Variants in FAM13A observed in about 807,000 individuals in gnomAD.
The protein encoded by FAM13A is family with sequence similarity 13 member A.
Under a neutral mutation model 129.6 loss-of-function variants are expected in FAM13A, and 76 were observed. The ratio of observed to expected loss-of-function variants is 0.59; its 90% confidence interval spans 0.49 to 0.71. The LOEUF (loss-of-function observed/expected upper bound fraction) is 0.71. Among genes scored for constraint, FAM13A ranks in the 30% least tolerant of loss-of-function variants. FAM13A has a pLI of 0.00. For missense variants in FAM13A, 1,108 were observed against 1,249.3 expected, an observed-to-expected ratio of 0.89 and a Z score of 1.70; for synonymous variants, 443 against 449.9, an observed-to-expected ratio of 0.98 and a Z score of 0.20.
chr4:88,904,871 C>T (rs926063727), intron 6 of FAM13A, among the ~76,000 whole-genome samples: 3 of 152,180 alleles, frequency 2.0e-5, no homozygotes, highest in Non-Finnish European at 2.9e-5. Context: ...AAATTTTACA[C>T]ATTAACGCCT....
intron 13 of FAM13A, among the ~76,000 whole-genome samples, chr4:88,765,961 A>G (rs536441125): frequency 7.9e-5 from 12 of 152,328 alleles, no homozygotes; most frequent in African/African-American, 2.9e-4. Context: ...TTGTTTCCCA[A>G]TGATTCATCC....
At chr4:88,800,547 T>C (rs1727220937) in intron 8 of FAM13A, among the ~76,000 whole-genome samples, 1 of 151,600 alleles carries the variant, frequency 6.6e-6, no homozygotes, top group South Asian at 2.1e-4. Context: ...TAGCCAGGTG[T>C]AGTGGCGGGT....
intron 3 of FAM13A, among the ~76,000 whole-genome samples, chr4:89,013,997 C>A (rs538408988): frequency 4.2e-4 from 64 of 152,228 alleles, no homozygotes; most frequent in Admixed American, 8.5e-4. Context: ...GGTAAGTACA[C>A]CCTGTGGTGC....
intron 6 of FAM13A, among the ~76,000 whole-genome samples, chr4:88,886,216 C>T (rs964235556): frequency 5.3e-5 from 8 of 152,204 alleles, no homozygotes; most frequent in African/African-American, 1.4e-4. Context: ...TACTTCCACA[C>T]GCATGTTTAT....
At chr4:88,738,726 G>C (rs1739530366) in intron 20 of FAM13A, among the ~76,000 whole-genome samples, 1 of 152,172 alleles carries the variant, frequency 6.6e-6, no homozygotes, top group Non-Finnish European at 1.5e-5. Context: ...CCCTACCCAC[G>C]TGGTGCTCCA....
In FAM13A at chr4:88,781,104, A is replaced by G; in HGVS notation, c.1458+61T>C. The G allele has an allele frequency of 3.4e-6, 4 of 1,191,464 alleles. No homozygotes were observed. The South Asian group carries it at 7.4e-5, about 22-fold the overall frequency. The allele number at this position is 1,191,464 out of a possible 1,614,324, so 73.8% of individuals were successfully genotyped here. On this transcript the variant is annotated intron_variant, in intron 11 of 23. Coordinates refer to ENST00000264344, the MANE Select transcript of FAM13A (RefSeq NM_014883.4). ...GAAATTACTTTTAATTTTTTTACAA[A>G]GCAAAGAAAAGAGATGTAATATTTC...
rs146948782 is a variant in FAM13A, at chr4:88,996,496, C to T, written c.428-5346G>A. On this transcript the variant is annotated intron_variant, in intron 3 of 23. Coordinates refer to ENST00000264344, the MANE Select transcript of FAM13A (RefSeq NM_014883.4). ...AGTTGTTTTATTCATTTAATCATTC[C>T]GAAAACATTTATTGAGTGACTACTC... Among the ~76,000 whole-genome samples the T allele has an allele frequency of 3.0e-3, 452 of 152,244 alleles. 5 individuals carry two copies. The highest frequency in any genetic ancestry group is 4.2e-3 in the Non-Finnish European group (285 of 68,020).
At chr4:88,914,409 A>C (rs923975777) in intron 5 of FAM13A, among the ~76,000 whole-genome samples, 1 of 152,134 alleles carries the variant, frequency 6.6e-6, no homozygotes, top group Non-Finnish European at 1.5e-5. Context: ...CTCTAATCTC[A>C]TAGCATTTCC....
At chr4:88,922,987 A>T (rs1303580237) in intron 5 of FAM13A, among the ~76,000 whole-genome samples, 1 of 152,240 alleles carries the variant, frequency 6.6e-6, no homozygotes, top group East Asian at 1.9e-4. Flanking sequence ...ACACCATCCC[A>T]AGACTAAACC....
At chr4:88,966,614 G>C (rs1366761924) in intron 4 of FAM13A, among the ~76,000 whole-genome samples, 1 of 151,986 alleles carries the variant, frequency 6.6e-6, no homozygotes, top group Non-Finnish European at 1.5e-5. Context: ...TAGGATGTAG[G>C]TTCAACTAAA....
intron 4 of FAM13A, among the ~76,000 whole-genome samples, chr4:88,940,025 T>C (rs1288007662): frequency 2.0e-5 from 3 of 152,228 alleles, no homozygotes; most frequent in African/African-American, 7.2e-5. Context: ...TGTGCCCAGA[T>C]TCCTGACCCC....
intron 6 of FAM13A, among the ~76,000 whole-genome samples, chr4:88,901,611 C>T (rs181223298): frequency 6.8e-4 from 103 of 152,100 alleles, no homozygotes; most frequent in African/African-American, 2.3e-3. Flanking sequence ...AAACAATGTA[C>T]CAGAATCTCT....
At chr4:88,911,003 C>A (rs758346076) in intron 5 of FAM13A, among the ~76,000 whole-genome samples, 7 of 152,162 alleles carry the variant, frequency 4.6e-5, no homozygotes, top group Non-Finnish European at 2.9e-5. Context: ...CTTGGTCAGT[C>A]TTCTTCATAA....
intron 4 of FAM13A, among the ~76,000 whole-genome samples, chr4:88,980,596 T>C (rs138258886): frequency 3.0e-4 from 5 of 16,446 alleles, no homozygotes; most frequent in Admixed American, 2.7e-3. Flanking sequence ...CAAATATAAT[T>C]ATGCTAAAAA....
intron 13 of FAM13A, among the ~76,000 whole-genome samples, chr4:88,764,037 A>C (rs1273967678): frequency 6.6e-6 from 1 of 152,236 alleles, no homozygotes; most frequent in Non-Finnish European, 1.5e-5. Flanking sequence ...AATACTTTTC[A>C]GAAATTCACT....
At chr4:88,920,366 G>C (rs188659767) in intron 5 of FAM13A, among the ~76,000 whole-genome samples, 3 of 152,128 alleles carry the variant, frequency 2.0e-5, no homozygotes, top group Non-Finnish European at 4.4e-5. Flanking sequence ...TCAGAGGAAC[G>C]ATCAGACAGC....
intron 6 of FAM13A, among the ~76,000 whole-genome samples, chr4:88,852,511 A>T (rs1002185772): frequency 3.0e-4 from 46 of 152,190 alleles, no homozygotes; most frequent in African/African-American, 1.0e-3. Flanking sequence ...TCCATAACAC[A>T]CTACCACATA....
chr4:88,911,806 G>C (rs1458556), intron 5 of FAM13A, among the ~76,000 whole-genome samples: 39,427 of 152,068 alleles, frequency 0.26, 5,932 homozygotes, highest in Middle Eastern at 0.35. Flanking sequence ...ATTTTTAAAA[G>C]ATACTTCCTT....
At chr4:88,809,842 A>T (rs1729300298) in intron 7 of FAM13A, among the ~76,000 whole-genome samples, 1 of 151,012 alleles carries the variant, frequency 6.6e-6, no homozygotes, top group Non-Finnish European at 1.5e-5. Context: ...AATCAAGAAC[A>T]TTAAAAAAAA....
Sources: allele counts gnomAD v4.1 joint callset (sites outside exome capture counted in the v4.1 genomes callset), GRCh38; gene constraint gnomAD v4.1.1; transcripts MANE v1.5; gene names NCBI Gene and HGNC (gene_info 2026-07-23, HGNC 2026-07-21).